Variants in TRPM4 observed in about 807,000 individuals in gnomAD.
TRPM4 encodes transient receptor potential cation channel subfamily M member 4.
A neutral mutation model predicts 135.6 loss-of-function variants in TRPM4; 124 were observed. That is an observed-to-expected ratio of 0.91 (90% confidence interval 0.79 to 1.06). The LOEUF (loss-of-function observed/expected upper bound fraction) is 1.06. Ranked by LOEUF, TRPM4 falls within the 50% of genes least tolerant of loss-of-function variation. The pLI is 0.00. For missense variants in TRPM4, 1,658 were observed against 1,671.4 expected (o/e 0.99, Z 0.14); for synonymous variants, 745 against 705.6 (o/e 1.06, Z -0.88).
rs547454004 is a variant in TRPM4 at position 49,210,057 on chromosome 19, A to G, written c.3132-152A>G. 2.2e-6 allele frequency: 2 copies of G among 905,334 alleles called. No individual in the cohort carries two copies. The highest frequency in any genetic ancestry group is 2.8e-5 in the South Asian group (2 of 72,134). 56.1% of individuals were successfully genotyped at this position (905,334 alleles called of 1,614,324 possible). On this transcript the variant is annotated intron_variant, in intron 20 of 24. Coordinates refer to ENST00000252826, the MANE Select transcript of TRPM4 (RefSeq NM_017636.4). The surrounding 1 kb of genome is among the most constrained non-coding windows in gnomAD (Gnocchi z 4.1). ...ACCAAACGCCCTTGGCTCTAACCTG[A>G]CTTCTAATCGCATCCTGTAACCTCT...
At position 49,200,662 on chromosome 19, in the gene TRPM4, T is replaced by C; in HGVS notation, c.2830T>C (p.Tyr944His). 1 of 1,613,956 alleles carries C rather than the reference T, an allele frequency of 6.2e-7. No homozygotes were observed. The highest frequency in any genetic ancestry group is 1.3e-5 in the African/African-American group (1 of 75,020). ...LFFLGVWLVA[Y>H]GVATEGLLRP... ...CTTCCTCGGCGTGTGGCTGGTAGCC[T>C]ATGGCGTGGCCACGGAGGGGCTCCT... The change falls in exon 19 of 25, where the codon TAT (tyrosine) becomes CAT (histidine). Residue 944 changes from tyrosine (Y) to histidine (H), a missense_variant. Physicochemically the swap from Tyr to His is moderately conservative, Grantham distance 83. Coordinates refer to ENST00000252826, the MANE Select transcript of TRPM4 (RefSeq NM_017636.4).
At chr19:49,160,226 C>T (rs1303244414) in intron 2 of TRPM4, among the ~76,000 whole-genome samples, 2 of 152,208 alleles carry the variant, frequency 1.3e-5, no homozygotes, top group Admixed American at 6.5e-5. Context: ...CATTGTGGCT[C>T]ACGCCTGTCA....
In TRPM4 at chr19:49,201,997, A is replaced by T. The variant is rs567000305; in HGVS notation, c.2987A>T (p.Glu996Val). 1.9e-5 allele frequency: 31 copies of T among 1,613,566 alleles called. No homozygotes were observed. The highest frequency in any genetic ancestry group is 2.5e-5 in the Non-Finnish European group (30 of 1,180,022). ...ALMEHSNCSS[E>V]PGFWAHPPGA... The stretch of plus-strand genomic sequence containing the variant: ...ATGGAGCACAGCAACTGCTCGTCGG[A>T]GCCCGGCTTCTGGGCACACCCTCCT... The change falls in exon 20 of 25, where the codon GAG (glutamate) becomes GTG (valine). Residue 996 changes from glutamate (E) to valine (V), a missense_variant. Glu to Val is a moderately radical substitution (Grantham distance 121, BLOSUM62 -2). This residue lies in a region of TRPM4 where 1,412 missense variants were observed against 1,408.7 expected (regional missense o/e 1.00). Coordinates refer to ENST00000252826, the MANE Select transcript of TRPM4 (RefSeq NM_017636.4).
rs78381230 is a variant in TRPM4 at position 49,190,719 on chromosome 19, G to A, written c.2156G>A (p.Arg719Gln). ...TFRKSEEEPT[R>Q]EELEFDMDSV... ...AGGAAATCAGAAGAGGAGCCCACACGGGAGGAGCTAGAGTTTGACATGGAT... is the reference window on the plus strand; with the variant it reads ...AGGAAATCAGAAGAGGAGCCCACACAGGAGGAGCTAGAGTTTGACATGGAT... The change falls in exon 16 of 25, where the codon CGG (arginine) becomes CAG (glutamine). Residue 719 changes from arginine (R) to glutamine (Q), a missense_variant. Arg to Gln is a conservative substitution (Grantham distance 43). Transcript: ENST00000252826. The A allele has an allele frequency of 1.3e-4, 204 of 1,614,138 alleles. No homozygotes were observed. The African/African-American group carries it at 1.9e-3, about 15-fold the overall frequency.
At chr19:49,167,255 G>A (rs1967238380) in intron 3 of TRPM4, among the ~76,000 whole-genome samples, 4 of 138,252 alleles carry the variant, frequency 2.9e-5, no homozygotes, top group African/African-American at 8.4e-5. Flanking sequence ...CTCTCTCTGG[G>A]TCTCTGTCCC....
At chr19:49,181,261 C>T in intron 9 of TRPM4, 88 bp from the exon 10 acceptor site, 1 of 987,622 alleles carries the variant, frequency 1.0e-6, no homozygotes, top group Non-Finnish European at 1.6e-6. Context: ...GTTTAAAAGT[C>T]AGACATGCAA....
At chr19:49,164,364 G>GTT (rs869232937) in intron 2 of TRPM4, among the ~76,000 whole-genome samples, 632 of 16,266 alleles carry the variant, frequency 0.039, 164 homozygotes, top group East Asian at 0.067. Flanking sequence ...TCTTTCCTTA[G>GTT]TTTTTTTTTT....
intron 9 of TRPM4, among the ~76,000 whole-genome samples, chr19:49,177,973 C>T (rs1967764859): frequency 1.3e-5 from 2 of 152,178 alleles, no homozygotes; most frequent in Non-Finnish European, 2.9e-5. Context: ...CCTCAAATGC[C>T]AGGCAGAGGG....
Position 49,166,056 on chromosome 19 carries a change from G to A in TRPM4, c.108G>A (p.Gln36=), listed in dbSNP as rs747457887. 6.3e-7 allele frequency: 1 copy of A among 1,597,750 alleles called. No homozygotes were observed. Among genetic ancestry groups the A allele is most frequent in the South Asian group, 1.1e-5 (1 of 88,594 alleles). Residue 36 remains glutamine, a synonymous_variant, in exon 3 of 25, where the codon CAG becomes CAA. Coordinates refer to ENST00000252826, the MANE Select transcript of TRPM4 (RefSeq NM_017636.4). ...DSTDPGGTLC[Q]CGRPRTAHPA... ...GCACCCCCAGAGGGACCTTGTGCCA[G>A]TGTGGGCGCCCCCGGACCGCCCACC...
intron 2 of TRPM4, among the ~76,000 whole-genome samples, chr19:49,161,619 C>A (rs1966967480): frequency 6.8e-6 from 1 of 147,336 alleles, no homozygotes; most frequent in Non-Finnish European, 1.5e-5. Flanking sequence ...GCGAGAGCCA[C>A]CATACCCGGC....
chr19:49,200,800 G>A lies in TRPM4; in HGVS notation c.2953+15G>A, dbSNP rs115274216. ...GGACATGGACGGTAGGGGGGATGAC[G>A]GCCTGACAGCCTTCCTCTGAGTCTC... is the stretch of plus-strand genomic sequence containing the variant. On this transcript the variant is annotated intron_variant, in intron 19 of 24. Coordinates refer to ENST00000252826, the MANE Select transcript of TRPM4 (RefSeq NM_017636.4). 1.5e-3 allele frequency: 2,436 copies of A among 1,613,244 alleles called. 36 individuals carry two copies. The African/African-American group carries it at 0.028, about 19-fold the overall frequency.
chr19:49,205,545 T>A (rs1008530469), intron 20 of TRPM4, among the ~76,000 whole-genome samples: 7 of 138,074 alleles, frequency 5.1e-5, no homozygotes, highest in Admixed American at 3.5e-4. Flanking sequence ...TTTTTTTTTT[T>A]TTTTTTTGGA....
intron 16 of TRPM4, among the ~76,000 whole-genome samples, chr19:49,191,143 C>G (rs944044549): frequency 6.6e-6 from 1 of 152,150 alleles, no homozygotes; most frequent in Non-Finnish European, 1.5e-5. Flanking sequence ...AAGGACCCAC[C>G]ACCAGGACCC....
rs151205002 is a variant in TRPM4, at chr19:49,171,416, A to G, written c.856A>G (p.Thr286Ala). The G allele has an allele frequency of 1.2e-4, 200 of 1,613,716 alleles. No homozygotes were observed. Among genetic ancestry groups the G allele is most frequent in the Middle Eastern group, 5.0e-4 (3 of 6,058 alleles). Residue 286 changes from threonine to alanine, a missense_variant and splice_region_variant, in exon 7 of 25, where the codon ACG becomes GCG. Physicochemically the swap from Thr to Ala is moderately conservative, Grantham distance 58. Transcript: ENST00000252826. The surrounding 1 kb of genome is among the most constrained non-coding windows in gnomAD (Gnocchi z 4.7). ...LLIDGDEKMLTRIENATQAQL... is the reference protein window; with the variant it reads ...LLIDGDEKMLARIENATQAQL... ...GATTGATGGTGATGAGAAGATGTTGACGGTATAGGGGCCCGGATGCCCGGA... is the reference window on the plus strand; with the variant it reads ...GATTGATGGTGATGAGAAGATGTTGGCGGTATAGGGGCCCGGATGCCCGGA...
chr19:49,170,581 C>A (rs1967415418), intron 6 of TRPM4, among the ~76,000 whole-genome samples: 1 of 152,104 alleles, frequency 6.6e-6, no homozygotes, highest in Admixed American at 6.6e-5. Context: ...GGTTAGATAG[C>A]CCTTTCTATT....
In TRPM4 at chr19:49,168,434, G is replaced by C; in HGVS notation, c.612+11G>C. Reference sequence around the variant, plus strand: ...CTCATCAACCCCAAGGTGTGACCCAGGGACTTGGAAAAGGGGGCTGGAGGC... The same window carrying C: ...CTCATCAACCCCAAGGTGTGACCCACGGACTTGGAAAAGGGGGCTGGAGGC... On this transcript the variant is annotated intron_variant, in intron 5 of 24. Transcript: ENST00000252826. The C allele has an allele frequency of 6.2e-7, 1 of 1,613,998 alleles. No homozygotes were observed. Among genetic ancestry groups the C allele is most frequent in the Non-Finnish European group, 8.5e-7 (1 of 1,179,994 alleles).
intron 12 of TRPM4, among the ~76,000 whole-genome samples, chr19:49,185,940 G>A (rs928131734): frequency 3.9e-5 from 6 of 151,996 alleles, no homozygotes; most frequent in Admixed American, 6.6e-5. Context: ...TCATAGAGAC[G>A]GGGTTTCACC....
In TRPM4 at chr19:49,188,744, C is replaced by T. The variant is rs1306872839; in HGVS notation, c.1847C>T (p.Ala616Val). 4 of 1,614,200 alleles carry T rather than the reference C, an allele frequency of 2.5e-6. No homozygotes were observed. Among genetic ancestry groups the T allele is most frequent in the South Asian group, 1.1e-5 (1 of 91,084 alleles). ...GAGGCAGCACGGAGGAAAGACCTGG[C>T]GTTCAAGTTTGAGGGGATGGGCGTT... ...AEEAARRKDLAFKFEGMGVDL... is the reference protein window; with the variant it reads ...AEEAARRKDLVFKFEGMGVDL... Residue 616 changes from alanine (A) to valine (V), a missense_variant, in exon 13 of 25, where the codon GCG (alanine) becomes GTG (valine). Ala to Val is a moderately conservative substitution (Grantham distance 64, BLOSUM62 0). Around this residue, in one of 3 missense-constraint regions of TRPM4, gnomAD observed 1,412 missense variants for 1,408.7 expected, o/e 1.00. Transcript: ENST00000252826.
intron 9 of TRPM4, among the ~76,000 whole-genome samples, chr19:49,180,097 T>C (rs1967858875): frequency 6.6e-6 from 1 of 152,212 alleles, no homozygotes; most frequent in Non-Finnish European, 1.5e-5. Context: ...ATTATCTCTT[T>C]CTGTGGTACC....
Sources: gnomAD v4.1 joint callset for allele counts (sites outside exome capture counted in the v4.1 genomes callset) on GRCh38, gnomAD v4.1.1 for gene constraint, gnomAD v4.1.1 regional missense constraint, Gnocchi (gnomAD v3.1) non-coding constraint, MANE v1.5 for transcripts, NCBI Gene and HGNC (gene_info 2026-07-23, HGNC 2026-07-21) for gene names.